Variants in BARD1 observed in about 807,000 individuals in gnomAD.
The protein encoded by BARD1 is BRCA1-associated RING domain protein 1.
Under a neutral mutation model 77.0 loss-of-function variants are expected in BARD1, and 73 were observed. The ratio of observed to expected loss-of-function variants is 0.95; its 90% confidence interval spans 0.79 to 1.15. The LOEUF (loss-of-function observed/expected upper bound fraction) is 1.15. Ranked by LOEUF, BARD1 falls within the 50% of genes most tolerant of loss-of-function variation. The pLI is 0.00. For synonymous variants in BARD1, 384 were observed against 338.0 expected (o/e 1.14, Z -1.49); for missense variants, 993 against 938.8 (o/e 1.06, Z -0.75).
Position 214,769,292 on chromosome 2 carries a change from T to C in BARD1, c.1335A>G (p.Glu445=). ...GATCACTTCCATTTTGTAAAAGGTA[T>C]TCAACAGAAGGTATGTCGCCCTAGA... The part of the protein sequence containing the change: ...ASIKGDIPSV[E]YLLQNGSDPN... The change falls in exon 5 of 11, where the codon GAA becomes GAG. Residue 445 remains glutamate, a synonymous_variant. Coordinates refer to ENST00000260947, the MANE Select transcript of BARD1 (RefSeq NM_000465.4). 6 of 1,613,480 alleles carry C rather than the reference T, an allele frequency of 3.7e-6. No individual in the cohort carries two copies. The highest frequency in any genetic ancestry group is 5.1e-6 in the Non-Finnish European group (6 of 1,179,446).
rs1002469550 is a variant in BARD1 at position 214,782,866 on chromosome 2, A to G, written c.365-1357T>C. Among the ~76,000 whole-genome samples, 3 of 152,336 alleles carry G rather than the reference A, an allele frequency of 2.0e-5. 1 individual carries two copies. The highest frequency in any genetic ancestry group is 6.8e-3 in the Middle Eastern group (2 of 294). On this transcript the variant is annotated intron_variant, in intron 3 of 10. Coordinates refer to ENST00000260947, the MANE Select transcript of BARD1 (RefSeq NM_000465.4). ...TTGGAAAGAAAAGAGTAGAAACAAT[A>G]GCCAATTATGTGGCTATCATCCAAG...
intron 3 of BARD1, among the ~76,000 whole-genome samples, chr2:214,783,028 A>G (rs1442800344): frequency 6.6e-6 from 1 of 152,196 alleles, no homozygotes; most frequent in East Asian, 1.9e-4. Flanking sequence ...GAGAGCATAC[A>G]AAGTTGTTCC....
chr2:214,798,563 T>C (rs1425118107), intron 1 of BARD1, among the ~76,000 whole-genome samples: 1 of 152,080 alleles, frequency 6.6e-6, no homozygotes, highest in Non-Finnish European at 1.5e-5. Context: ...GGTTGCTCTC[T>C]ACCTTGAAAG....
chr2:214,785,270 T>C (rs575329080), intron 3 of BARD1, among the ~76,000 whole-genome samples: 5 of 152,022 alleles, frequency 3.3e-5, no homozygotes, highest in Non-Finnish European at 7.4e-5. Context: ...TTTTCTTCAT[T>C]GACAAATCAT....
At chr2:214,751,417 C>G (rs1453395225) in intron 7 of BARD1, among the ~76,000 whole-genome samples, 1 of 151,570 alleles carries the variant, frequency 6.6e-6, no homozygotes, top group African/African-American at 2.4e-5. Flanking sequence ...CCCGCCCCAG[C>G]CTCCCAAAGT....
chr2:214,754,868 T>C (rs1346189625), intron 6 of BARD1, among the ~76,000 whole-genome samples: 1 of 152,156 alleles, frequency 6.6e-6, no homozygotes, highest in Admixed American at 6.6e-5. Context: ...TCATGGGAAA[T>C]AGAGCCTATT....
Position 214,767,339 on chromosome 2 carries a change from C to T in BARD1, c.1568+143G>A. 7 of 798,532 alleles carry T rather than the reference C, an allele frequency of 8.8e-6. No individual in the cohort carries two copies. In the South Asian group the frequency reaches 9.6e-5, roughly 11 times the overall value. The allele number at this position is 798,532 out of a possible 1,614,324, so 49.5% of individuals were successfully genotyped here. ...AGGGCATGAAGGCTGATTATGAGTG[C>T]AGAATGTGATGATCACATCTAATTT... is the stretch of plus-strand genomic sequence containing the variant. On this transcript the variant is annotated intron_variant, in intron 6 of 10. Coordinates refer to ENST00000260947, the MANE Select transcript of BARD1 (RefSeq NM_000465.4).
At chr2:214,806,089 G>C (rs913797746) in intron 1 of BARD1, among the ~76,000 whole-genome samples, 2 of 152,060 alleles carry the variant, frequency 1.3e-5, no homozygotes, top group African/African-American at 4.8e-5. Context: ...GTGAGGCTTG[G>C]TCCTAATATA....
chr2:214,733,131 TA>T (rs1384254723), intron 9 of BARD1, among the ~76,000 whole-genome samples: 3 of 152,104 alleles, frequency 2.0e-5, no homozygotes, highest in African/African-American at 7.2e-5. Flanking sequence ...AGATCACTAA[TA>T]GCAAAGTTAA....
chr2:214,806,582 C>T (rs1369314872), intron 1 of BARD1, among the ~76,000 whole-genome samples: 1 of 152,070 alleles, frequency 6.6e-6, no homozygotes. Flanking sequence ...AACATTAAAG[C>T]CCATGTAAAG....
At position 214,809,571 on chromosome 2, in the gene BARD1, G is replaced by C. The variant is rs876659743; in HGVS notation, c.-2C>G. 2 of 1,545,908 alleles carry C rather than the reference G, an allele frequency of 1.3e-6. No individual in the cohort carries two copies. The highest frequency in any genetic ancestry group is 1.9e-5 in the Admixed American group (1 of 52,774). ...CCTCGGCTGCCGATTATCCGGCATC[G>C]TCCCGCCTTCGGATGAAAGGCTCCT... On this transcript the variant is annotated 5_prime_UTR_variant, in exon 1 of 11. Transcript: ENST00000260947.
intron 4 of BARD1, among the ~76,000 whole-genome samples, chr2:214,774,471 C>G (rs1025349120): frequency 2.0e-5 from 3 of 152,206 alleles, no homozygotes; most frequent in East Asian, 1.9e-4. Flanking sequence ...TTCATCAGAA[C>G]ACTTGGGTGA....
At chr2:214,803,095 T>C (rs1292233820) in intron 1 of BARD1, among the ~76,000 whole-genome samples, 1 of 152,102 alleles carries the variant, frequency 6.6e-6, no homozygotes, top group African/African-American at 2.4e-5. Flanking sequence ...TTGTGCAAGA[T>C]GTGCTTTGTT....
chr2:214,747,781 C>G (rs185984168), intron 7 of BARD1, among the ~76,000 whole-genome samples: 2,968 of 150,612 alleles, frequency 0.02, 51 homozygotes, highest in East Asian at 0.082. Flanking sequence ...GGGTGCAGCA[C>G]ACCAACATGA....
At chr2:214,734,039 C>G (rs1335322888) in intron 9 of BARD1, among the ~76,000 whole-genome samples, 1 of 151,982 alleles carries the variant, frequency 6.6e-6, no homozygotes, top group Non-Finnish European at 1.5e-5. Context: ...GATTTGCTTG[C>G]CAGAAAGATA....
At chr2:214,791,365 C>A (rs920509549) in intron 3 of BARD1, among the ~76,000 whole-genome samples, 2 of 152,066 alleles carry the variant, frequency 1.3e-5, no homozygotes, top group Non-Finnish European at 2.9e-5. Context: ...ATTCTAAGAA[C>A]AAAAGATTTA....
At position 214,726,201 on chromosome 2, in the gene BARD1, C is replaced by A. The variant is rs1273356274; in HGVS notation, c.*2475G>T. 4.8e-6 allele frequency: 1 copy of A among 210,518 alleles called. No individual in the cohort carries two copies. Among genetic ancestry groups the A allele is most frequent in the Non-Finnish European group, 9.6e-6 (1 of 103,896 alleles). The allele number at this position is 210,518 out of a possible 1,614,324, so 13.0% of individuals were successfully genotyped here. On this transcript the variant is annotated 3_prime_UTR_variant, in exon 11 of 11. Transcript: ENST00000260947. The stretch of plus-strand genomic sequence containing the variant: ...TGCTAATATACTTCCCATCTGGTTT[C>A]TATTTTTCAGCAAGTCAAAAGAAAA...
At chr2:214,798,772 G>A (rs146465120) in intron 1 of BARD1, among the ~76,000 whole-genome samples, 2,950 of 125,188 alleles carry the variant, frequency 0.024, no homozygotes, top group South Asian at 0.036. Flanking sequence ...ATTAAAAAAA[G>A]AAAAAAAAAA....
intron 7 of BARD1, among the ~76,000 whole-genome samples, chr2:214,749,744 TG>T (rs1176691787): frequency 6.6e-6 from 1 of 151,776 alleles, no homozygotes; most frequent in East Asian, 1.9e-4. Flanking sequence ...TTAAGAAATG[TG>T]AGTTTTAACT....
Sources: allele counts gnomAD v4.1 joint callset (sites outside exome capture counted in the v4.1 genomes callset), GRCh38; gene constraint gnomAD v4.1.1; transcripts MANE v1.5; gene names NCBI Gene and HGNC (gene_info 2026-07-23, HGNC 2026-07-21).